TBCK: variants seen among roughly 807,000 people sequenced by gnomAD.
The protein encoded by TBCK is TBC domain-containing protein kinase-like protein.
A neutral mutation model predicts 113.4 loss-of-function variants in TBCK; 99 were observed. That is an observed-to-expected ratio of 0.87 (90% CI 0.74 to 1.03). The LOEUF is 1.03. TBCK is among the 50% of genes least tolerant of loss of function. TBCK has a pLI of 0.00. For missense variants in TBCK, 1,045 were observed against 1,061.3 expected (o/e 0.98, Z 0.21); for synonymous variants, 369 against 370.8 (o/e 1.00, Z 0.05).
chr4:106,179,421 A>G (rs989872251), intron 22 of TBCK, among the ~76,000 whole-genome samples: 3 of 151,856 alleles, frequency 2.0e-5, no homozygotes, highest in African/African-American at 7.3e-5. Context: ...TATCCCATAT[A>G]TTTTGGTATA....
rs17036623 is a variant in TBCK, at chr4:106,247,786, T to A, written c.782+459A>T. On this transcript the variant is annotated intron_variant, in intron 9 of 25. Coordinates refer to ENST00000394708, the MANE Select transcript of TBCK (RefSeq NM_001163435.3). ...GTAAAGGAATTTAGGGATAGCTGTA[T>A]GACTAGTAGTGACATCATCAAGTCA... 1,513 of 155,524 alleles carry A rather than the reference T, an allele frequency of 9.7e-3. 21 individuals are homozygous for A. The highest frequency in any genetic ancestry group is 0.035 in the African/African-American group (1,442 of 41,638). 9.6% of individuals were successfully genotyped at this position (155,524 alleles called of 1,614,324 possible).
chr4:106,316,382 G>A (rs1579619825), upstream of TBCK: 3 of 668,986 alleles, frequency 4.5e-6, no homozygotes, highest in Admixed American at 2.2e-5. Flanking sequence ...AAAATACTGG[G>A]TGAGGGAATG....
At chr4:106,291,781 G>A (rs891570734) in intron 3 of TBCK, among the ~76,000 whole-genome samples, 3 of 152,172 alleles carry the variant, frequency 2.0e-5, no homozygotes, top group South Asian at 2.1e-4. Flanking sequence ...AGAGGATGCC[G>A]ATCAAAAGGT....
intron 22 of TBCK, among the ~76,000 whole-genome samples, chr4:106,184,098 T>G (rs1312631870): frequency 6.6e-6 from 1 of 152,060 alleles, no homozygotes; most frequent in Non-Finnish European, 1.5e-5. Context: ...AACTTTAGAC[T>G]CTGACAAGTA....
chr4:106,049,183 C>T (rs1482450131), intron 25 of TBCK, among the ~76,000 whole-genome samples: 2 of 152,062 alleles, frequency 1.3e-5, no homozygotes, highest in African/African-American at 4.8e-5. Context: ...ATTTATCAAA[C>T]ATTTCACTGA....
At chr4:106,188,473 T>C (rs149105099) in intron 22 of TBCK, among the ~76,000 whole-genome samples, 2,252 of 152,302 alleles carry the variant, frequency 0.015, 62 homozygotes, top group South Asian at 0.035. Context: ...ATTGGTATCT[T>C]GAAACAAAAT....
chr4:106,183,993 T>C (rs1752717925), intron 22 of TBCK, among the ~76,000 whole-genome samples: 1 of 152,048 alleles, frequency 6.6e-6, no homozygotes, highest in Non-Finnish European at 1.5e-5. Context: ...CCATTCTAAA[T>C]ATGCCAAGAG....
At chr4:106,300,402 T>A (rs1766814825) in intron 2 of TBCK, among the ~76,000 whole-genome samples, 1 of 152,184 alleles carries the variant, frequency 6.6e-6, no homozygotes, top group Admixed American at 6.5e-5. Context: ...AAGTAGTGGT[T>A]TTTTTGTTTA....
At chr4:106,301,165 CTTATATAA>C (rs906998195) in intron 2 of TBCK, among the ~76,000 whole-genome samples, 1 of 148,748 alleles carries the variant, frequency 6.7e-6, no homozygotes, top group Non-Finnish European at 1.5e-5. Context: ...ACATAAATAA[CTTATATAA>C]TTATATATAT....
At chr4:106,222,951 A>G (rs1015327867) in intron 19 of TBCK, among the ~76,000 whole-genome samples, 1 of 152,142 alleles carries the variant, frequency 6.6e-6, no homozygotes, top group Admixed American at 6.6e-5. Context: ...TCCTTCTCAC[A>G]TATCTTGCTC....
At chr4:106,153,963 T>C (rs1199727839) in intron 23 of TBCK, among the ~76,000 whole-genome samples, 1 of 152,136 alleles carries the variant, frequency 6.6e-6, no homozygotes, top group Non-Finnish European at 1.5e-5. Context: ...AGGTGAAGTG[T>C]GTTTCTTGTA....
chr4:106,283,414 G>A (rs1764811846), intron 3 of TBCK, among the ~76,000 whole-genome samples: 2 of 152,090 alleles, frequency 1.3e-5, no homozygotes, highest in South Asian at 4.1e-4. Context: ...GGCATTTGGA[G>A]GAGGAAAATA....
At chr4:106,302,630 T>C (rs995118277) in intron 2 of TBCK, among the ~76,000 whole-genome samples, 2 of 151,650 alleles carry the variant, frequency 1.3e-5, no homozygotes, top group African/African-American at 2.4e-5. Flanking sequence ...GTGGAAAGAG[T>C]GTGGAAAGAC....
chr4:106,295,983 C>G (rs976500449), intron 2 of TBCK, among the ~76,000 whole-genome samples: 3 of 151,954 alleles, frequency 2.0e-5, no homozygotes, highest in Admixed American at 6.5e-5. Context: ...GTGTGCAGTC[C>G]AAACCCATGT....
chr4:106,092,887 T>G (rs987138557), intron 25 of TBCK, among the ~76,000 whole-genome samples: 3 of 152,180 alleles, frequency 2.0e-5, no homozygotes, highest in Non-Finnish European at 2.9e-5. Flanking sequence ...CCAGAGTGGG[T>G]GCTGAGGCCG....
chr4:106,129,999 T>C (rs1303192956), intron 23 of TBCK, among the ~76,000 whole-genome samples: 4 of 152,202 alleles, frequency 2.6e-5, no homozygotes, highest in African/African-American at 4.8e-5. Flanking sequence ...TTGCCTCTCT[T>C]ATCTATCTTC....
intron 22 of TBCK, among the ~76,000 whole-genome samples, chr4:106,173,197 G>A (rs1366332181): frequency 6.6e-6 from 1 of 152,102 alleles, no homozygotes; most frequent in Non-Finnish European, 1.5e-5. Context: ...TTGGGCAATG[G>A]ATAATATAGT....
Position 106,233,597 on chromosome 4 carries a change from T to C in TBCK, c.1503A>G (p.Thr501=). The C allele has an allele frequency of 6.2e-7, 1 of 1,611,140 alleles. No individual in the cohort carries two copies. Among genetic ancestry groups the C allele is most frequent in the East Asian group, 2.2e-5 (1 of 44,716 alleles). Residue 501 remains threonine, a synonymous_variant, in exon 16 of 26, where the codon ACA becomes ACG. Transcript: ENST00000394708. The part of the protein sequence containing the change: ...DAIDKDTPIP[T]DRQIEVDIPR... ...AAAACCTAAATCATACTTGTCTATC[T>C]GTAGGAATTGGAGTGTCTTTATCAA...
chr4:106,091,683 G>A (rs1024528078), intron 25 of TBCK, among the ~76,000 whole-genome samples: 1 of 152,150 alleles, frequency 6.6e-6, no homozygotes, highest in Non-Finnish European at 1.5e-5. Flanking sequence ...GCAGACCTTC[G>A]TGGTGAGTGT....
Sources: allele counts gnomAD v4.1 joint callset (sites outside exome capture counted in the v4.1 genomes callset), GRCh38; gene constraint gnomAD v4.1.1; transcripts MANE v1.5; gene names NCBI Gene and HGNC (gene_info 2026-07-23, HGNC 2026-07-21).